The following OGG1 variants were observed in gnomAD, a reference collection of about 807,000 sequenced individuals.
OGG1 encodes 8-oxoguanine DNA glycosylase.
In OGG1, 35 loss-of-function variants were observed where a neutral mutation model predicts 42.3. That is an observed-to-expected ratio of 0.83 (90% CI 0.63 to 1.10). OGG1 has a LOEUF of 1.10. Among genes scored for constraint, OGG1 ranks in the 50% least tolerant of loss-of-function variants. OGG1 has a pLI of 0.00. For missense variants in OGG1, 484 were observed against 446.7 expected (o/e 1.08, Z -0.75); for synonymous variants, 189 against 179.0 (o/e 1.06, Z -0.44).
chr3:9,787,466 G>C (rs1206493764), intron 3 of OGG1: 2 of 1,345,482 alleles, frequency 1.5e-6, no homozygotes, highest in Non-Finnish European at 1.0e-6. Flanking sequence ...CCAGTGTCAG[G>C]TGTAGGTAAG....
At chr3:9,776,166 C>G (rs1188912547) in intron 2 of OGG1, among the ~76,000 whole-genome samples, 1 of 152,072 alleles carries the variant, frequency 6.6e-6, no homozygotes, top group Non-Finnish European at 1.5e-5. Context: ...CTCCACACAC[C>G]CAGGGCTCCA....
downstream of OGG1, among the ~76,000 whole-genome samples, chr3:9,789,326 G>A (rs188810684): frequency 1.2e-4 from 19 of 152,294 alleles, no homozygotes; most frequent in Admixed American, 3.3e-4. Context: ...CTGGGGTAGA[G>A]GGGAGGCAGT....
At chr3:9,761,287 A>G (rs2077855649), downstream of OGG1, 3 of 665,804 alleles carry the variant, frequency 4.5e-6, no homozygotes, top group Non-Finnish European at 5.0e-6. Context: ...CTTGCTTGGC[A>G]CAGTGCTTGA....
At chr3:9,755,460 T>G (rs2077494643) in intron 4 of OGG1, among the ~76,000 whole-genome samples, 2 of 147,806 alleles carry the variant, frequency 1.4e-5, no homozygotes, top group Non-Finnish European at 1.5e-5. Flanking sequence ...AAATTAGGCA[T>G]TTGTCTTTTT....
chr3:9,759,262 C>T (rs1453790215), downstream of OGG1: 1 of 1,613,816 alleles, frequency 6.2e-7, no homozygotes, highest in East Asian at 2.2e-5. Context: ...TGAAGAATTA[C>T]AGACTTCTTC....
At chr3:9,753,723 A>G (rs2077413576) in intron 3 of OGG1, among the ~76,000 whole-genome samples, 1 of 152,198 alleles carries the variant, frequency 6.6e-6, no homozygotes, top group Non-Finnish European at 1.5e-5. Context: ...GCCTCAAGAA[A>G]GTCATTCACC....
At chr3:9,759,242 A>G (rs2125567314), downstream of OGG1, 3 of 1,614,214 alleles carry the variant, frequency 1.9e-6, no homozygotes, top group Non-Finnish European at 2.5e-6. Flanking sequence ...AGGCTGGATC[A>G]GATGCCTCCT....
Position 9,754,749 on chromosome 3 carries a change from G to T in OGG1, c.611G>T (p.Arg204Leu), listed in dbSNP as rs1364272018. The T allele has an allele frequency of 1.2e-6, 2 of 1,614,188 alleles. No individual in the cohort carries two copies. The highest frequency in any genetic ancestry group is 8.5e-7 in the Non-Finnish European group (1 of 1,180,030). Residue 204 changes from arginine to leucine, a missense_variant, in exon 4 of 7, where the codon CGT becomes CTT. By Grantham distance (102) the Arg-to-Leu change is moderately radical. Coordinates refer to ENST00000344629, the MANE Select transcript of OGG1 (RefSeq NM_002542.6). ...CTCAGGAAGCTGGGCCTGGGCTATC[G>T]TGCCCGTTACGTGAGTGCCAGTGCC... ...AHLRKLGLGY[R>L]ARYVSASARA...
At position 9,751,028 on chromosome 3, in the gene OGG1, A is replaced by C. The variant is rs2077276658; in HGVS notation, c.221A>C (p.His74Pro). 6.2e-7 allele frequency: 1 copy of C among 1,613,918 alleles called. No homozygotes were observed. Among genetic ancestry groups the C allele is most frequent in the Non-Finnish European group, 8.5e-7 (1 of 1,179,870 alleles). ...CTGACTCAGACTGAGGAGCAGCTCC[A>C]CTGCACTGTGTACCGAGGAGACAAG... ...WTLTQTEEQLHCTVYRGDKSQ... is the reference protein window; with the variant it reads ...WTLTQTEEQLPCTVYRGDKSQ... Residue 74 changes from histidine (H) to proline (P), a missense_variant, in exon 2 of 7, where the codon CAC (histidine) becomes CCC (proline). By Grantham distance (77) the His-to-Pro change is moderately conservative. Coordinates refer to ENST00000344629, the MANE Select transcript of OGG1 (RefSeq NM_002542.6).
At chr3:9,756,296 C>A (rs564502071) in intron 4 of OGG1, among the ~76,000 whole-genome samples, 175 bp from the exon 5 acceptor site, 2 of 152,186 alleles carry the variant, frequency 1.3e-5, no homozygotes, top group African/African-American at 4.8e-5. Context: ...AGCGAGACTC[C>A]ATCTCAAAAA....
rs182556283 is a variant in OGG1 at position 9,774,601 on chromosome 3, C to T, written c.295-6912C>T. ...AACAGCACACAGGATTGATAACAAA[C>T]AGTAAGAACCTAATAAATGGTCAAA... On this transcript the variant is annotated intron_variant, in intron 2 of 3. Transcript: ENST00000426518. 3.3e-5 allele frequency among the ~76,000 whole-genome samples: 5 copies of T among 152,074 alleles called. No homozygotes were observed. In the East Asian group the frequency reaches 9.6e-4, roughly 29 times the overall value.
At chr3:9,767,455 T>A (rs1276517233), downstream of OGG1, among the ~76,000 whole-genome samples, 4 of 152,324 alleles carry the variant, frequency 2.6e-5, no homozygotes, top group African/African-American at 9.6e-5. Flanking sequence ...CTCGACTTCT[T>A]TCTCTTCAAG....
downstream of OGG1, among the ~76,000 whole-genome samples, chr3:9,771,274 A>G (rs45533932): frequency 0.45 from 68,035 of 151,830 alleles, 15,993 homozygotes; most frequent in Non-Finnish European, 0.51. Context: ...ATCCTCCCCA[A>G]TCAGCTTCCC....
downstream of OGG1, chr3:9,761,621 C>T (rs188672077): frequency 1.6e-4 from 261 of 1,614,144 alleles, no homozygotes; most frequent in Non-Finnish European, 2.0e-4. Context: ...CAGCCCAGGG[C>T]CCTCCGCACC....
chr3:9,760,662 C>G, downstream of OGG1: 1 of 1,613,926 alleles, frequency 6.2e-7, no homozygotes, highest in Non-Finnish European at 8.5e-7. Context: ...ATACCAGAGT[C>G]AGAGATGTCG....
chr3:9,779,808 C>A (rs1171691630), intron 2 of OGG1: 1 of 152,148 alleles, frequency 6.6e-6, no homozygotes, highest in Non-Finnish European at 1.5e-5. Flanking sequence ...CGTGCAGCCA[C>A]AAGTATCCTC....
At chr3:9,763,918 G>A (rs1217099457) in intron 7 of OGG1, among the ~76,000 whole-genome samples, 3 of 152,066 alleles carry the variant, frequency 2.0e-5, no homozygotes, top group Admixed American at 1.3e-4. Flanking sequence ...CCTGGGAAAC[G>A]GAGGTTGCAG....
Position 9,756,558 on chromosome 3 carries a change from T to A in OGG1, c.835T>A (p.Tyr279Asn). The change falls in exon 5 of 7, where the codon TAC becomes AAC. Residue 279 changes from tyrosine to asparagine, a missense_variant. Coordinates refer to ENST00000344629, the MANE Select transcript of OGG1 (RefSeq NM_002542.6). ...VHMWHIAQRD[Y>N]SWHPTTSQAK... ...TATGTGGCACATTGCCCAACGTGAC[T>A]ACAGCTGGCACCCTACCACGTCCCA... is the stretch of plus-strand genomic sequence containing the variant. 1.9e-6 allele frequency: 3 copies of A among 1,614,172 alleles called. No individual in the cohort carries two copies. The highest frequency in any genetic ancestry group is 2.5e-6 in the Non-Finnish European group (3 of 1,180,032).
chr3:9,764,547 G>C (rs1410736356), intron 7 of OGG1, among the ~76,000 whole-genome samples: 1 of 151,366 alleles, frequency 6.6e-6, no homozygotes, highest in Non-Finnish European at 1.5e-5. Flanking sequence ...CCCCACCTCA[G>C]GTGATCTGCC....
Sources: allele counts gnomAD v4.1 joint callset (sites outside exome capture counted in the v4.1 genomes callset), GRCh38; gene constraint gnomAD v4.1.1; transcripts MANE v1.5; gene names NCBI Gene and HGNC (gene_info 2026-07-23, HGNC 2026-07-21).